SLC26A6: variants seen among roughly 807,000 people sequenced by gnomAD.
The protein encoded by SLC26A6 is solute carrier family 26 member 6.
In SLC26A6, 67 loss-of-function variants were observed where a neutral mutation model predicts 87.1. That is an observed-to-expected ratio of 0.77 (90% CI 0.63 to 0.94). SLC26A6 has a LOEUF of 0.94. Among genes scored for constraint, SLC26A6 ranks in the 40% least tolerant of loss-of-function variants. SLC26A6 has a pLI of 0.00. For synonymous variants in SLC26A6, 414 were observed against 405.9 expected (o/e 1.02, Z -0.24); for missense variants, 902 against 973.0 (o/e 0.93, Z 0.97).
At chr3:48,632,790 G>T (rs1282122998) in intron 4 of SLC26A6, 184 bp downstream of exon 4, 16 of 695,260 alleles carry the variant, frequency 2.3e-5, no homozygotes, top group East Asian at 1.1e-4. Context: ...GAGGTCACCT[G>T]CCTCTGTGGT....
chr3:48,629,516 C>T, intron 14 of SLC26A6, 126 bp downstream of exon 14: 1 of 1,055,088 alleles, frequency 9.5e-7, no homozygotes, highest in South Asian at 1.5e-5. Flanking sequence ...CCCTTGAAAT[C>T]CCAAAGACCA....
Position 48,626,906 on chromosome 3 carries a change from C to T in SLC26A6, c.2043G>A (p.Val681=). 6.2e-7 allele frequency: 1 copy of T among 1,614,040 alleles called. No individual in the cohort carries two copies. The highest frequency in any genetic ancestry group is 8.5e-7 in the Non-Finnish European group (1 of 1,179,966). Residue 681 remains valine (V), a synonymous_variant, in exon 18 of 21, where the codon GTG becomes GTA. Transcript: ENST00000395550. The part of the protein sequence containing the change: ...LILDLGALSF[V]DTVCLKSLKN... ...TCAGGCTCTTGAGGCACACAGTGTCCACAAAGGAGAGGGCACCCAGGTCCA... is the reference window on the plus strand; with the variant it reads ...TCAGGCTCTTGAGGCACACAGTGTCTACAAAGGAGAGGGCACCCAGGTCCA...
rs1262198045 is a variant in SLC26A6 at position 48,632,957 on chromosome 3, G to T, written c.433+17C>A. The T allele has an allele frequency of 9.3e-6, 15 of 1,607,688 alleles. No individual in the cohort carries two copies. Among genetic ancestry groups the T allele is most frequent in the Non-Finnish European group, 1.2e-5 (14 of 1,176,020 alleles). On this transcript the variant is annotated intron_variant, in intron 4 of 20. Transcript: ENST00000395550. Reference sequence around the variant, plus strand: ...ATGTGGGCATCCTCCTGGAAGGCTAGGCCTGCCTCCACTTACCCACGGAGA... The same window carrying T: ...ATGTGGGCATCCTCCTGGAAGGCTATGCCTGCCTCCACTTACCCACGGAGA...
intron 5 of SLC26A6, 66 bp from the exon 6 acceptor site, chr3:48,632,110 GCAAGT>G: frequency 6.2e-7 from 1 of 1,600,176 alleles, no homozygotes; most frequent in Non-Finnish European, 8.5e-7. Context: ...GGAGCGCAGG[GCAAGT>G]GGGATGGGAG....
Position 48,632,337 on chromosome 3 carries a change from C to T in SLC26A6, c.493G>A (p.Ala165Thr), listed in dbSNP as rs759825178. 8.7e-6 allele frequency: 14 copies of T among 1,613,062 alleles called. No individual in the cohort carries two copies. The South Asian group carries it at 1.4e-4, about 16-fold the overall frequency. The change falls in exon 5 of 21, where the codon GCC becomes ACC. Residue 165 changes from alanine (A) to threonine (T), a missense_variant. By Grantham distance (58) the Ala-to-Thr change is moderately conservative. Around this residue, in one of 3 missense-constraint regions of SLC26A6, gnomAD observed 800 missense variants for 856.8 expected, o/e 0.93. Coordinates refer to ENST00000395550, the MANE Select transcript of SLC26A6 (RefSeq NM_022911.3). ...TCATTGATCATGGAGTCGTTCAAGG[C>T]CTGCGGGGCCAGGGATTCTGTCACA... is the stretch of plus-strand genomic sequence containing the variant. The part of the protein sequence containing the change: ...GSVTESLAPQ[A>T]LNDSMINETA...
Position 48,633,513 on chromosome 3 carries a change from G to A in SLC26A6, c.146C>T (p.Ser49Leu), listed in dbSNP as rs765169394. ...EHLEELGRWG[S>L]APRTHQWRTW... ...CCGCCACTGGTGGGTCCTAGGTGCT[G>A]AGCCCCAGCGCCCCAGCTCCTCCAA... is the stretch of plus-strand genomic sequence containing the variant. The change falls in exon 2 of 21, where the codon TCA becomes TTA. Residue 49 changes from serine (S) to leucine (L), a missense_variant. Ser to Leu is a moderately radical substitution (Grantham distance 145). Transcript: ENST00000395550. 10 of 1,613,328 alleles carry A rather than the reference G, an allele frequency of 6.2e-6. No homozygotes were observed. Among genetic ancestry groups the A allele is most frequent in the South Asian group, 1.1e-5 (1 of 91,090 alleles).
intron 1 of SLC26A6, chr3:48,634,816 A>G: frequency 1.1e-6 from 1 of 909,540 alleles, no homozygotes; most frequent in Non-Finnish European, 1.3e-6. Context: ...TGGGACCGCT[A>G]TCTCAAGGAG....
chr3:48,628,855 C>CAG lies in SLC26A6; in HGVS notation c.1600-143_1600-142dup. ...CCCCAGGCTGCAGTCCAGGCCCTCC[C>CAG]AGGGGCTTAGGCCACAAGCCCGACG... On this transcript the variant is annotated intron_variant, in intron 14 of 20. Coordinates refer to ENST00000395550, the MANE Select transcript of SLC26A6 (RefSeq NM_022911.3). The surrounding 1 kb of genome is among the most constrained non-coding windows in gnomAD (Gnocchi z 4.4). 1 of 983,252 alleles carries CAG rather than the reference C, an allele frequency of 1.0e-6. No homozygotes were observed. Among genetic ancestry groups the CAG allele is most frequent in the Non-Finnish European group, 1.5e-6 (1 of 652,992 alleles). 60.9% of individuals were successfully genotyped at this position (983,252 alleles called of 1,614,324 possible).
At chr3:48,630,203 G>A (rs376844829) in intron 11 of SLC26A6, 46 bp from the exon 12 acceptor site, 8 of 1,588,306 alleles carry the variant, frequency 5.0e-6, no homozygotes, top group African/African-American at 2.7e-5. Flanking sequence ...GGCACCCGAT[G>A]CTGACAACCC....
intron 13 of SLC26A6, 53 bp downstream of exon 13, chr3:48,629,819 C>G (rs555625165): frequency 1.2e-6 from 2 of 1,611,880 alleles, no homozygotes; most frequent in African/African-American, 1.3e-5. Flanking sequence ...TGCGGGGAGC[C>G]CTGTGGTACT....
chr3:48,628,449 C>T lies in SLC26A6; in HGVS notation c.1785G>A (p.Glu595=). 1 of 1,614,062 alleles carries T rather than the reference C, an allele frequency of 6.2e-7. No individual in the cohort carries two copies. Among genetic ancestry groups the T allele is most frequent in the South Asian group, 1.1e-5 (1 of 91,084 alleles). Residue 595 remains glutamate (E), a synonymous_variant, in exon 16 of 21, where the codon GAG becomes GAA. Transcript: ENST00000395550. This position sits in a 1 kb window ranked among gnomAD's most constrained non-coding sequence, Gnocchi z 4.4. ...QLKLKQLQKE[E]KLRKQAASPK... is the part of the protein sequence containing the mutation. Reference sequence around the variant, plus strand: ...GGGGCCCTGCCTGTTTCCGAAGCTTCTCCTCTTTCTGCAGTTGCTTCAGCT... The same window carrying T: ...GGGGCCCTGCCTGTTTCCGAAGCTTTTCCTCTTTCTGCAGTTGCTTCAGCT...
At chr3:48,630,013 G>A in intron 12 of SLC26A6, 35 bp from the exon 13 acceptor site, 2 of 1,613,202 alleles carry the variant, frequency 1.2e-6, no homozygotes, top group Non-Finnish European at 1.7e-6. Flanking sequence ...AGGGCGGCGA[G>A]GAGCCATGGG....
intron 1 of SLC26A6, 151 bp from the exon 2 acceptor site, chr3:48,633,786 C>A: frequency 6.8e-7 from 1 of 1,464,914 alleles, no homozygotes; most frequent in South Asian, 1.4e-5. Flanking sequence ...CATCTGTGGG[C>A]CACATGTCCA....
At chr3:48,630,006 G>A (rs2046737652) in intron 12 of SLC26A6, 28 bp from the exon 13 acceptor site, 6 of 1,613,952 alleles carry the variant, frequency 3.7e-6, no homozygotes, top group Non-Finnish European at 5.1e-6. Context: ...CGGTTGGAGG[G>A]CGGCGAGGAG....
rs1248133597 is a variant in SLC26A6 at position 48,633,636 on chromosome 3, C to A, written c.24-1G>T. ...CAGCAGTGCCTGTGTGTCCCTCGGTCTGGGGTGGCAAGACCAGAGAGACAC... is the reference window on the plus strand; with the variant it reads ...CAGCAGTGCCTGTGTGTCCCTCGGTATGGGGTGGCAAGACCAGAGAGACAC... On this transcript the variant is annotated splice_acceptor_variant, in intron 1 of 20. Transcript: ENST00000395550. LOFTEE classifies it high-confidence loss of function. 1 of 1,613,218 alleles carries A rather than the reference C, an allele frequency of 6.2e-7. No homozygotes were observed. Among genetic ancestry groups the A allele is most frequent in the South Asian group, 1.1e-5 (1 of 91,062 alleles).
At position 48,631,312 on chromosome 3, in the gene SLC26A6, G is replaced by A; in HGVS notation, c.904-6C>T. 6.3e-7 allele frequency: 1 copy of A among 1,578,514 alleles called. No individual in the cohort carries two copies. The highest frequency in any genetic ancestry group is 8.6e-7 in the Non-Finnish European group (1 of 1,161,624). ...ATGCCTGTGGCCCCGATGAGCTGTG[G>A]GAGAGGACAGAGTCAGGGAGGCAGG... On this transcript the variant is annotated splice_region_variant and splice_polypyrimidine_tract_variant and intron_variant, in intron 7 of 20. Transcript: ENST00000395550.
intron 1 of SLC26A6, among the ~76,000 whole-genome samples, chr3:48,634,536 G>C (rs1436323390): frequency 6.6e-6 from 1 of 152,226 alleles, no homozygotes. Flanking sequence ...CTCTCCCATA[G>C]AGAAAGCTCT....
In SLC26A6 at chr3:48,631,915, G is replaced by A; in HGVS notation, c.715C>T (p.Leu239=). 6.2e-7 allele frequency: 1 copy of A among 1,613,550 alleles called. No individual in the cohort carries two copies. Among genetic ancestry groups the A allele is most frequent in the Non-Finnish European group, 8.5e-7 (1 of 1,180,038 alleles). ...GACAGTGGCCCAGAGTGGCTGCTCAGATGGAGGCCAAACACATACTTGAGC... is the reference window on the plus strand; with the variant it reads ...GACAGTGGCCCAGAGTGGCTGCTCAAATGGAGGCCAAACACATACTTGAGC... The part of the protein sequence containing the change: ...SQLKYVFGLH[L]SSHSGPLSLI... Residue 239 remains leucine (L), a synonymous_variant, in exon 6 of 21, where the codon CTG becomes TTG. Coordinates refer to ENST00000395550, the MANE Select transcript of SLC26A6 (RefSeq NM_022911.3).
chr3:48,627,840 C>A, intron 17 of SLC26A6, 106 bp downstream of exon 17: 2 of 1,074,486 alleles, frequency 1.9e-6, no homozygotes, highest in South Asian at 1.7e-5. Flanking sequence ...CGGCGCAACA[C>A]CCTCGAGCCC....
Sources: gnomAD v4.1 joint callset for allele counts (sites outside exome capture counted in the v4.1 genomes callset) on GRCh38, gnomAD v4.1.1 for gene constraint, gnomAD v4.1.1 regional missense constraint, Gnocchi (gnomAD v3.1) non-coding constraint, MANE v1.5 for transcripts, NCBI Gene and HGNC (gene_info 2026-07-23, HGNC 2026-07-21) for gene names.